The following GABRA3 variants were observed in gnomAD, a reference collection of about 807,000 sequenced individuals.
GABRA3 encodes gamma-aminobutyric acid receptor subunit alpha-3.
In GABRA3, 10 loss-of-function variants were observed where a neutral mutation model predicts 30.1. That is an observed-to-expected ratio of 0.33 (90% confidence interval 0.20 to 0.56). GABRA3 has a LOEUF of 0.56. Among genes scored for constraint, GABRA3 ranks in the 20% least tolerant of loss-of-function variants. The probability of loss-of-function intolerance (pLI) is 0.89; values close to 1 mark genes in which losing one functional copy is unlikely to be tolerated. For missense variants in GABRA3, 233 were observed against 392.0 expected (o/e 0.59, Z 3.42); for synonymous variants, 151 against 146.8 (o/e 1.03, Z -0.21).
At position 152,197,697 on chromosome X, in the gene GABRA3, A is replaced by C. The variant is rs1179308833; in HGVS notation, c.867T>G (p.Thr289=). The C allele has an allele frequency of 6.6e-6, 8 of 1,209,964 alleles. No individual in the cohort carries two copies. The highest frequency in any genetic ancestry group is 9.0e-6 in the Non-Finnish European group (8 of 893,808). The change falls in exon 8 of 10, where the codon ACT becomes ACG. Residue 289 remains threonine, a synonymous_variant. Transcript: ENST00000370314. ...AGAACGACACTTGTGACAGAATGAC[A>C]GTCATGATACATGGCAAGTAGGTCT... is the stretch of plus-strand genomic sequence containing the variant. ...VIQTYLPCIM[T]VILSQVSFWL... is the part of the protein sequence containing the mutation.
chrX:152,258,175 A>G (rs751099767), intron 4 of GABRA3, among the ~76,000 whole-genome samples: 1 of 112,319 alleles, frequency 8.9e-6, no homozygotes, highest in South Asian at 3.7e-4. Flanking sequence ...ACTATAATTA[A>G]AATTATAAAG....
At chrX:152,430,753 T>C (rs1393226013) in intron 1 of GABRA3, among the ~76,000 whole-genome samples, 1 of 111,636 alleles carries the variant, frequency 9.0e-6, no homozygotes, top group African/African-American at 3.3e-5. Flanking sequence ...CAAAACTCTA[T>C]AGAAGTGTGG....
At chrX:152,277,365 A>AT (rs1314469211) in intron 4 of GABRA3, among the ~76,000 whole-genome samples, 9 of 111,445 alleles carry the variant, frequency 8.1e-5, no homozygotes, top group Non-Finnish European at 1.9e-5. Context: ...GTTATCTAGA[A>AT]TTATTACTAT....
At chrX:152,439,068 G>A (rs1359992943) in intron 1 of GABRA3, among the ~76,000 whole-genome samples, 1 of 110,036 alleles carries the variant, frequency 9.1e-6, no homozygotes, top group African/African-American at 3.3e-5. Flanking sequence ...TGGGGGATGG[G>A]GTAACTCCGT....
intron 1 of GABRA3, among the ~76,000 whole-genome samples, chrX:152,404,811 C>T (rs748181623): frequency 1.5e-3 from 158 of 105,421 alleles, no homozygotes; most frequent in Non-Finnish European, 2.7e-3. Context: ...AAATTTCTGT[C>T]AAATCACTAG....
At chrX:152,304,299 AGATT>A (rs750795309) in intron 3 of GABRA3, among the ~76,000 whole-genome samples, 58 of 112,044 alleles carry the variant, frequency 5.2e-4, no homozygotes, top group Non-Finnish European at 8.7e-4. Flanking sequence ...AAGTTACCTT[AGATT>A]AATTAGATCC....
chrX:152,370,910 C>T (rs142150521), intron 1 of GABRA3, among the ~76,000 whole-genome samples: 62 of 111,091 alleles, frequency 5.6e-4, no homozygotes, highest in African/African-American at 2.0e-3. Context: ...CTTAGAATTG[C>T]TCATCATCAT....
chrX:152,448,345 C>G (rs1041053419), intron 1 of GABRA3, among the ~76,000 whole-genome samples: 3 of 112,400 alleles, frequency 2.7e-5, no homozygotes, highest in African/African-American at 9.7e-5. Context: ...ACTGGCCTAA[C>G]GATTTCCGAA....
At chrX:152,261,121 C>T (rs981272257) in intron 4 of GABRA3, among the ~76,000 whole-genome samples, 3 of 100,345 alleles carry the variant, frequency 3.0e-5, no homozygotes, top group African/African-American at 1.3e-4. Context: ...TTAGAACTCT[C>T]TCACTATCAT....
intron 1 of GABRA3, among the ~76,000 whole-genome samples, chrX:152,422,485 C>A (rs766382989): frequency 9.1e-6 from 1 of 110,222 alleles, no homozygotes; most frequent in African/African-American, 3.3e-5. Flanking sequence ...ATAGTGGTTA[C>A]ATTTAACAAA....
intron 8 of GABRA3, among the ~76,000 whole-genome samples, chrX:152,191,064 G>A (rs990246498): frequency 9.2e-6 from 1 of 108,188 alleles, no homozygotes; most frequent in Non-Finnish European, 1.9e-5. Flanking sequence ...GATTTGTTAG[G>A]GATTGAAGAT....
At chrX:152,334,091 T>C (rs1279733201) in intron 3 of GABRA3, among the ~76,000 whole-genome samples, 2 of 112,031 alleles carry the variant, frequency 1.8e-5, no homozygotes, top group Non-Finnish European at 3.8e-5. Flanking sequence ...TGTTATTTAC[T>C]GTGTCAACAC....
At chrX:152,417,476 A>C (rs1930257580) in intron 1 of GABRA3, among the ~76,000 whole-genome samples, 1 of 108,463 alleles carries the variant, frequency 9.2e-6, no homozygotes, top group South Asian at 4.2e-4. Context: ...GCGATTCCTC[A>C]GGGATCTAGA....
At chrX:152,205,156 C>A (rs1937521583) in intron 7 of GABRA3, among the ~76,000 whole-genome samples, 1 of 111,560 alleles carries the variant, frequency 9.0e-6, no homozygotes, top group African/African-American at 3.3e-5. Context: ...TCACATTTTG[C>A]AGTACTGGGG....
At chrX:152,178,803 C>T (rs1937107751) in intron 9 of GABRA3, among the ~76,000 whole-genome samples, 1 of 111,371 alleles carries the variant, frequency 9.0e-6, no homozygotes, top group African/African-American at 3.3e-5. Context: ...CCAATGCACC[C>T]AAACCCATTG....
At chrX:152,234,439 T>C (rs188308927) in intron 5 of GABRA3, among the ~76,000 whole-genome samples, 1,142 of 110,858 alleles carry the variant, frequency 0.01, 14 homozygotes, top group African/African-American at 0.035. Context: ...ACTTTTTTGA[T>C]TATATCTTTT....
chrX:152,269,718 G>A (rs1938893028), intron 4 of GABRA3, among the ~76,000 whole-genome samples: 1 of 111,844 alleles, frequency 8.9e-6, no homozygotes, highest in African/African-American at 3.2e-5. Flanking sequence ...CTCCAACAAA[G>A]GCAGCAAGAA....
chrX:152,175,915 T>A (rs920220493), intron 9 of GABRA3, among the ~76,000 whole-genome samples: 1 of 108,728 alleles, frequency 9.2e-6, no homozygotes, highest in Non-Finnish European at 1.9e-5. Context: ...ATACAAAAAA[T>A]TAGCCAAGCA....
chrX:152,301,261 C>T (rs761072210), intron 3 of GABRA3, among the ~76,000 whole-genome samples: 40 of 111,625 alleles, frequency 3.6e-4, no homozygotes, highest in African/African-American at 1.3e-3. Flanking sequence ...CTATATCCAG[C>T]AAAACTATGT....
Sources: allele counts gnomAD v4.1 joint callset (sites outside exome capture counted in the v4.1 genomes callset), GRCh38; gene constraint gnomAD v4.1.1; transcripts MANE v1.5; gene names NCBI Gene and HGNC (gene_info 2026-07-23, HGNC 2026-07-21).